ACBD6: variants seen among roughly 807,000 people sequenced by gnomAD.
ACBD6 encodes the protein acyl-CoA binding domain containing 6.
ACBD6 carries 28 observed loss-of-function variants against 37.2 expected under a neutral mutation model. The ratio of observed to expected loss-of-function variants is 0.75; its 90% confidence interval spans 0.56 to 1.03. The LOEUF (loss-of-function observed/expected upper bound fraction) is 1.03, where lower values mean the gene tolerates loss of function less well. Among genes scored for constraint, ACBD6 ranks in the 50% least tolerant of loss-of-function variants. The probability of loss-of-function intolerance (pLI) is 0.00; values close to 1 mark genes in which losing one functional copy is unlikely to be tolerated. For missense variants in ACBD6, 340 were observed against 337.4 expected (o/e 1.01, Z -0.06); for synonymous variants, 113 against 126.8 (o/e 0.89, Z 0.73).
Position 180,378,196 on chromosome 1 carries a change from T to C in ACBD6, c.663+19320A>G, listed in dbSNP as rs894409863. ...TGCACTAAGAAGGGCATATCACTTCTGTGATATTCTTGCCAAAAATGCATA... is the reference window on the plus strand; with the variant it reads ...TGCACTAAGAAGGGCATATCACTTCCGTGATATTCTTGCCAAAAATGCATA... On this transcript the variant is annotated intron_variant, in intron 6 of 7. Transcript: ENST00000367595. Among the ~76,000 whole-genome samples the C allele has an allele frequency of 3.3e-4, 50 of 152,170 alleles. 1 individual carries two copies. Among genetic ancestry groups the C allele is most frequent in the Admixed American group, 1.3e-4 (2 of 15,286 alleles).
At chr1:180,408,618 T>G (rs1647725967) in intron 5 of ACBD6, among the ~76,000 whole-genome samples, 1 of 151,982 alleles carries the variant, frequency 6.6e-6, no homozygotes, top group Non-Finnish European at 1.5e-5. Context: ...TGTATACATA[T>G]GTAACTAACC....
At chr1:180,314,610 T>C in intron 7 of ACBD6, 82 bp downstream of exon 7, 2 of 1,183,116 alleles carry the variant, frequency 1.7e-6, no homozygotes, top group South Asian at 1.3e-5. Context: ...ATCTAAGCAC[T>C]ATATAGGAAT....
intron 3 of ACBD6, among the ~76,000 whole-genome samples, chr1:180,477,623 A>G (rs1650851868): frequency 6.6e-6 from 1 of 152,190 alleles, no homozygotes; most frequent in Admixed American, 6.5e-5. Context: ...TAAAAAACAG[A>G]TAAAATGCAG....
At chr1:180,373,704 A>G (rs1047624564) in intron 6 of ACBD6, among the ~76,000 whole-genome samples, 1 of 152,170 alleles carries the variant, frequency 6.6e-6, no homozygotes, top group Admixed American at 6.5e-5. Context: ...TAACCTCCAG[A>G]CATTTATTAT....
intron 6 of ACBD6, among the ~76,000 whole-genome samples, chr1:180,331,527 G>C (rs1205538739): frequency 6.6e-6 from 1 of 152,152 alleles, no homozygotes; most frequent in African/African-American, 2.4e-5. Flanking sequence ...TTGACTATAA[G>C]AATTTCTCCC....
chr1:180,384,810 T>A (rs1159719619), intron 6 of ACBD6, among the ~76,000 whole-genome samples: 3 of 152,196 alleles, frequency 2.0e-5, no homozygotes, highest in Non-Finnish European at 4.4e-5. Flanking sequence ...AATGGAATAC[T>A]AGTCAGCTAT....
intron 6 of ACBD6, among the ~76,000 whole-genome samples, chr1:180,370,773 G>A (rs1162322044): frequency 6.6e-6 from 1 of 151,908 alleles, no homozygotes; most frequent in African/African-American, 2.4e-5. Flanking sequence ...GTATACAAAT[G>A]TAGTCTCTGA....
chr1:180,369,293 T>C (rs1267602652), intron 6 of ACBD6, among the ~76,000 whole-genome samples: 1 of 152,194 alleles, frequency 6.6e-6, no homozygotes, highest in Non-Finnish European at 1.5e-5. Context: ...CTCCCTCACC[T>C]TTCGCTCACT....
chr1:180,398,658 T>C (rs1654354705), intron 5 of ACBD6, among the ~76,000 whole-genome samples: 1 of 152,230 alleles, frequency 6.6e-6, no homozygotes, highest in Non-Finnish European at 1.5e-5. Context: ...GTGTTATTTC[T>C]ATTCTCTACT....
At position 180,290,079 on chromosome 1, in the gene ACBD6, C is replaced by T. The variant is rs182029025; in HGVS notation, c.695-1562G>A. On this transcript the variant is annotated intron_variant, in intron 7 of 7. Transcript: ENST00000367595. ...AATTTTTAAAAGCTTTGTTTAAATTCTTCATATACATTTTATATACTCTTT... is the reference window on the plus strand; with the variant it reads ...AATTTTTAAAAGCTTTGTTTAAATTTTTCATATACATTTTATATACTCTTT... Among the ~76,000 whole-genome samples the T allele has an allele frequency of 2.9e-3, 434 of 152,196 alleles. 1 individual carries two copies. Among genetic ancestry groups the T allele is most frequent in the Non-Finnish European group, 3.9e-3 (267 of 68,002 alleles).
intron 6 of ACBD6, among the ~76,000 whole-genome samples, chr1:180,357,097 C>T (rs2101899103): frequency 6.6e-6 from 1 of 152,296 alleles, no homozygotes; most frequent in South Asian, 2.1e-4. Context: ...AATGACACTA[C>T]TGAGCTTTCC....
intron 7 of ACBD6, among the ~76,000 whole-genome samples, chr1:180,312,167 G>C (rs1332577095): frequency 6.6e-6 from 1 of 152,048 alleles, no homozygotes; most frequent in East Asian, 1.9e-4. Flanking sequence ...GTTTGACTTG[G>C]CAGAAATGAT....
intron 6 of ACBD6, among the ~76,000 whole-genome samples, chr1:180,336,704 A>C (rs1374708918): frequency 1.3e-5 from 2 of 152,144 alleles, no homozygotes; most frequent in African/African-American, 4.8e-5. Flanking sequence ...AAACCCTTCA[A>C]AAACTCAATG....
chr1:180,418,978 G>GC (rs1330005430), intron 4 of ACBD6, among the ~76,000 whole-genome samples: 4 of 152,216 alleles, frequency 2.6e-5, no homozygotes, highest in Non-Finnish European at 5.9e-5. Flanking sequence ...GAGGCCGGGC[G>GC]CGGTGGCTCA....
chr1:180,391,624 G>A (rs1654080054), intron 6 of ACBD6, among the ~76,000 whole-genome samples: 1 of 152,020 alleles, frequency 6.6e-6, no homozygotes. Context: ...ATACCTTAGG[G>A]TGGCTATAAT....
At chr1:180,303,711 A>G (rs1490140004) in intron 7 of ACBD6, among the ~76,000 whole-genome samples, 1 of 150,902 alleles carries the variant, frequency 6.6e-6, no homozygotes, top group Admixed American at 6.6e-5. Flanking sequence ...TTCTGAAACT[A>G]TTCCAATCAA....
In ACBD6 at chr1:180,435,840, C is replaced by T. The variant is rs967910492; in HGVS notation, c.385-5578G>A. 78 of 1,141,962 alleles carry T rather than the reference C, an allele frequency of 6.8e-5. 2 individuals carry two copies. Among genetic ancestry groups the T allele is most frequent in the Non-Finnish European group, 2.3e-5 (17 of 753,348 alleles). The allele number at this position is 1,141,962 out of a possible 1,614,324, so 70.7% of individuals were successfully genotyped here. A position where few individuals can be genotyped will look rare whatever the true frequency, so the allele number is the denominator to read the frequency against. On this transcript the variant is annotated intron_variant, in intron 3 of 7. Transcript: ENST00000367595. ...CTGATGGGTTTAGGATACACTCAGA[C>T]CCTAAAACCAGGTATCAAATTGACA...
At chr1:180,391,926 A>C (rs1394442790) in intron 6 of ACBD6, among the ~76,000 whole-genome samples, 1 of 152,158 alleles carries the variant, frequency 6.6e-6, no homozygotes, top group African/African-American at 2.4e-5. Flanking sequence ...CATCAACAGA[A>C]CAGATAAAAT....
At chr1:180,299,795 G>A (rs1650062086) in intron 7 of ACBD6, among the ~76,000 whole-genome samples, 1 of 151,980 alleles carries the variant, frequency 6.6e-6, no homozygotes, top group African/African-American at 2.4e-5. Flanking sequence ...AGGAGGGGAA[G>A]GCTAACAGGC....
Sources: allele counts gnomAD v4.1 joint callset (sites outside exome capture counted in the v4.1 genomes callset), GRCh38; gene constraint gnomAD v4.1.1; transcripts MANE v1.5; gene names NCBI Gene and HGNC (gene_info 2026-07-23, HGNC 2026-07-21).